SLC25A13: variants seen among roughly 807,000 people sequenced by gnomAD.
SLC25A13 encodes the protein electrogenic aspartate/glutamate antiporter SLC25A13, mitochondrial.
SLC25A13 carries 70 observed loss-of-function variants against 85.5 expected under a neutral mutation model. That is an observed-to-expected ratio of 0.82 (90% confidence interval 0.68 to 1.00). The LOEUF is 1.00. Among genes scored for constraint, SLC25A13 ranks in the 50% least tolerant of loss-of-function variants. The probability of loss-of-function intolerance (pLI) is 0.00; values close to 1 mark genes in which losing one functional copy is unlikely to be tolerated. For synonymous variants in SLC25A13, 259 were observed against 288.7 expected (o/e 0.90, Z 1.04); for missense variants, 765 against 819.8 (o/e 0.93, Z 0.82).
At chr7:96,250,690 G>C (rs935116876) in intron 3 of SLC25A13, among the ~76,000 whole-genome samples, 2 of 143,764 alleles carry the variant, frequency 1.4e-5, no homozygotes, top group African/African-American at 5.4e-5. Context: ...GAGGAGAAAA[G>C]TGAAGACAGG....
chr7:96,281,637 T>A (rs1224571957), intron 2 of SLC25A13, among the ~76,000 whole-genome samples: 1 of 152,198 alleles, frequency 6.6e-6, no homozygotes, highest in Non-Finnish European at 1.5e-5. Context: ...GCTCGTTACA[T>A]GGGCCTACTC....
At chr7:96,131,517 A>C (rs1792030035) in intron 15 of SLC25A13, among the ~76,000 whole-genome samples, 1 of 152,258 alleles carries the variant, frequency 6.6e-6, no homozygotes, top group African/African-American at 2.4e-5. Context: ...CCAATATTTA[A>C]TGAGCCTTTT....
chr7:96,172,512 T>A (rs182133132), intron 11 of SLC25A13, among the ~76,000 whole-genome samples: 2 of 151,534 alleles, frequency 1.3e-5, no homozygotes, highest in Admixed American at 1.3e-4. Context: ...GAGCCGAGAT[T>A]GCACCACTGC....
At chr7:96,283,583 AAAC>A (rs1798767290) in intron 2 of SLC25A13, 3 of 330,394 alleles carry the variant, frequency 9.1e-6, no homozygotes, top group South Asian at 3.1e-5. Context: ...GCACTGTTGT[AAAC>A]AACAAGTTAA....
At chr7:96,210,477 A>G (rs892042919) in intron 4 of SLC25A13, among the ~76,000 whole-genome samples, 7 of 152,210 alleles carry the variant, frequency 4.6e-5, no homozygotes, top group African/African-American at 1.7e-4. Flanking sequence ...ACCAAACTGA[A>G]ATTCAAATGA....
intron 13 of SLC25A13, among the ~76,000 whole-genome samples, chr7:96,161,459 A>T (rs1199327585): frequency 6.6e-6 from 1 of 152,104 alleles, no homozygotes; most frequent in Admixed American, 6.6e-5. Context: ...TCTATGACCC[A>T]CACCTTGTAG....
At chr7:96,160,521 G>A (rs1349711688) in intron 13 of SLC25A13, among the ~76,000 whole-genome samples, 2 of 152,188 alleles carry the variant, frequency 1.3e-5, no homozygotes, top group Non-Finnish European at 2.9e-5. Context: ...TTGGAATCTG[G>A]TGAGCACTGC....
chr7:96,234,011 A>C (rs1796651905), intron 4 of SLC25A13, among the ~76,000 whole-genome samples: 1 of 152,198 alleles, frequency 6.6e-6, no homozygotes, highest in Admixed American at 6.5e-5. Flanking sequence ...GGGCTCCAAA[A>C]TTCTTCATGA....
chr7:96,254,742 T>C (rs1416477865), intron 3 of SLC25A13, among the ~76,000 whole-genome samples: 1 of 151,948 alleles, frequency 6.6e-6, no homozygotes, highest in Non-Finnish European at 1.5e-5. Flanking sequence ...GAAGGAAAGA[T>C]GAACACAAAT....
At chr7:96,283,530 T>C (rs934855903) in intron 2 of SLC25A13, 9 of 377,336 alleles carry the variant, frequency 2.4e-5, no homozygotes, top group African/African-American at 1.9e-4. Flanking sequence ...AGTGTTACCA[T>C]GGCAAAAGTA....
At chr7:96,168,434 T>C (rs1793862155) in intron 13 of SLC25A13, among the ~76,000 whole-genome samples, 1 of 152,182 alleles carries the variant, frequency 6.6e-6, no homozygotes, top group East Asian at 1.9e-4. Flanking sequence ...TGAAAAGGGC[T>C]ACATCTCTTT....
intron 4 of SLC25A13, among the ~76,000 whole-genome samples, chr7:96,219,456 T>G (rs1442609549): frequency 2.6e-5 from 4 of 152,204 alleles, no homozygotes; most frequent in Non-Finnish European, 5.9e-5. Flanking sequence ...CATGTGGCAT[T>G]CAGGAAAGAA....
chr7:96,206,200 T>G (rs928195055), intron 5 of SLC25A13, among the ~76,000 whole-genome samples: 2 of 152,184 alleles, frequency 1.3e-5, no homozygotes, highest in Admixed American at 6.5e-5. Context: ...CAGTGGCAGC[T>G]TGTTCACATT....
intron 2 of SLC25A13, among the ~76,000 whole-genome samples, chr7:96,288,574 T>C (rs1488218101): frequency 6.6e-6 from 1 of 152,154 alleles, no homozygotes; most frequent in Admixed American, 6.5e-5. Context: ...CCCACCCTAA[T>C]ACTGCGCTTT....
intron 1 of SLC25A13, among the ~76,000 whole-genome samples, chr7:96,320,892 C>T (rs1800314799): frequency 6.6e-6 from 1 of 152,112 alleles, no homozygotes; most frequent in South Asian, 2.1e-4. Context: ...ATGTGTTGGC[C>T]ATGTTTTCCT....
At chr7:96,313,012 G>A (rs979339053) in intron 1 of SLC25A13, among the ~76,000 whole-genome samples, 2 of 152,228 alleles carry the variant, frequency 1.3e-5, no homozygotes, top group African/African-American at 4.8e-5. Flanking sequence ...TCAGGAAAGT[G>A]AAGCTGCAGG....
At chr7:96,132,564 A>G (rs1792079904) in intron 14 of SLC25A13, among the ~76,000 whole-genome samples, 2 of 152,206 alleles carry the variant, frequency 1.3e-5, no homozygotes. Context: ...TTCAACAAAT[A>G]GTTTCTGTTG....
chr7:96,291,646 A>G (rs541953806), intron 2 of SLC25A13, among the ~76,000 whole-genome samples: 1 of 152,214 alleles, frequency 6.6e-6, no homozygotes, highest in Non-Finnish European at 1.5e-5. Context: ...AATACTATAA[A>G]CACCTCTACG....
At chr7:96,186,862 G>C (rs921216369) in intron 9 of SLC25A13, among the ~76,000 whole-genome samples, 1 of 151,984 alleles carries the variant, frequency 6.6e-6, no homozygotes, top group African/African-American at 2.4e-5. Context: ...AAAAATGCTT[G>C]TAAGAGGTTT....
Sources: gnomAD v4.1 joint callset for allele counts (sites outside exome capture counted in the v4.1 genomes callset) on GRCh38, gnomAD v4.1.1 for gene constraint, MANE v1.5 for transcripts, NCBI Gene and HGNC (gene_info 2026-07-23, HGNC 2026-07-21) for gene names.